The following PLTP variants were observed in gnomAD, a reference collection of about 807,000 sequenced individuals.
PLTP encodes the protein phospholipid transfer protein, also known as BPI fold containing family E.
Under a neutral mutation model 54.1 loss-of-function variants are expected in PLTP, and 43 were observed. The ratio of observed to expected loss-of-function variants is 0.79; its 90% CI spans 0.62 to 1.02. The LOEUF is 1.02. Among genes scored for constraint, PLTP ranks in the 50% least tolerant of loss-of-function variants. The probability of loss-of-function intolerance (pLI) is 0.00; values close to 1 mark genes in which losing one functional copy is unlikely to be tolerated. For missense variants in PLTP, 604 were observed against 645.9 expected (o/e 0.94, Z 0.70); for synonymous variants, 263 against 264.6 (o/e 0.99, Z 0.06).
At chr20:45,900,098 CTTTTTTTTTTTTTT>C (rs71181874) in intron 12 of PLTP, among the ~76,000 whole-genome samples, 1 of 55,698 alleles carries the variant, frequency 1.8e-5, no homozygotes, top group African/African-American at 7.1e-5. Flanking sequence ...TTGAGCACCT[CTTTTTTTTTTTTTT>C]TTTTTTTTTT....
intron 8 of PLTP, 44 bp downstream of exon 8, chr20:45,906,224 C>T: frequency 7.4e-7 from 1 of 1,346,864 alleles, no homozygotes; most frequent in South Asian, 1.2e-5. Flanking sequence ...AGAAAGAGGT[C>T]TTGTTAGGAA....
intron 3 of PLTP, among the ~76,000 whole-genome samples, chr20:45,910,306 C>G (rs1434478524): frequency 6.6e-6 from 1 of 152,082 alleles, no homozygotes; most frequent in Non-Finnish European, 1.5e-5. Context: ...TTCACCCCAT[C>G]GCTTAAAAGT....
In PLTP at chr20:45,911,149, T is replaced by G. The variant is rs200070216; in HGVS notation, c.200+3A>C. ...GGATCGCGAGGCCCCGCCCCCCACT[T>G]ACTCAGAGATGTTGTAGTAGAAGTG... On this transcript the variant is annotated splice_donor_region_variant and intron_variant, in intron 3 of 15. Transcript: ENST00000372431. The G allele has an allele frequency of 5.6e-5, 91 of 1,613,282 alleles. No homozygotes were observed. The African/African-American group carries it at 1.0e-3, about 18-fold the overall frequency.
intron 3 of PLTP, 140 bp downstream of exon 3, chr20:45,911,012 G>T (rs2083285026): frequency 6.3e-7 from 1 of 1,579,444 alleles, no homozygotes; most frequent in African/African-American, 1.4e-5. Flanking sequence ...GCCCCATCCG[G>T]TTTCTTAAGT....
intron 12 of PLTP, 104 bp from the exon 13 acceptor site, chr20:45,899,982 G>T: frequency 1.1e-6 from 1 of 926,374 alleles, no homozygotes; most frequent in Non-Finnish European, 1.7e-6. Context: ...AGGCTCAGAT[G>T]CCCACCTAGG....
intron 12 of PLTP, among the ~76,000 whole-genome samples, 166 bp downstream of exon 12, chr20:45,902,101 A>G (rs1173490901): frequency 6.6e-6 from 1 of 152,114 alleles, no homozygotes; most frequent in Non-Finnish European, 1.5e-5. Flanking sequence ...GACATGTGAG[A>G]ATGCAGAGGA....
Position 45,902,499 on chromosome 20 carries a change from C to A in PLTP, c.1048G>T (p.Val350Phe), listed in dbSNP as rs373242157. The A allele has an allele frequency of 6.2e-7, 1 of 1,614,196 alleles. No individual in the cohort carries two copies. The highest frequency in any genetic ancestry group is 2.2e-5 in the East Asian group (1 of 44,888). Residue 350 changes from valine to phenylalanine, a missense_variant, in exon 11 of 16, where the codon GTC (valine) becomes TTC (phenylalanine). Val to Phe is a conservative substitution (Grantham distance 50, BLOSUM62 -1). Transcript: ENST00000372431. ...SGTTISVTAS[V>F]TIALVPPDQP... ...TCTGGTGGGACCAGGGCAATGGTGA[C>A]GCTAGCAGTGACAGAGATGGTGGTG...
rs769642176 is a variant in PLTP at position 45,902,610 on chromosome 20, G to C, written c.943-6C>G. The stretch of plus-strand genomic sequence containing the variant: ...GAGTCAATCACTGCTGGGCTCTGGG[G>C]GATGAGCAGCAGGGGCGGGTCAAGT... On this transcript the variant is annotated splice_polypyrimidine_tract_variant and splice_region_variant and intron_variant, in intron 10 of 15. Coordinates refer to ENST00000372431, the MANE Select transcript of PLTP (RefSeq NM_006227.4). The C allele has an allele frequency of 4.4e-6, 7 of 1,598,954 alleles. No individual in the cohort carries two copies. The highest frequency in any genetic ancestry group is 1.7e-6 in the Non-Finnish European group (2 of 1,171,902).
chr20:45,902,152 A>AC (rs1421767348), intron 12 of PLTP, 115 bp downstream of exon 12: 2 of 1,129,056 alleles, frequency 1.8e-6, no homozygotes, highest in African/African-American at 3.1e-5. Flanking sequence ...ATTAACAAAG[A>AC]CAGACCCCAG....
intron 12 of PLTP, among the ~76,000 whole-genome samples, chr20:45,901,463 G>A (rs950162730): frequency 7.2e-5 from 11 of 152,044 alleles, no homozygotes; most frequent in African/African-American, 2.7e-4. Context: ...GCATGGTAGT[G>A]CATGCATGCA....
In PLTP at chr20:45,907,657, A is replaced by C. The variant is rs781107303; in HGVS notation, c.613+35T>G. ...GGCCTGCTCTGAGGTGCTGCATGAC[A>C]GCTGCACACCCAGACTCACCCGCCA... On this transcript the variant is annotated intron_variant, in intron 7 of 15. Transcript: ENST00000372431. 2.5e-6 allele frequency: 4 copies of C among 1,593,736 alleles called. No individual in the cohort carries two copies. In the South Asian group the frequency reaches 4.5e-5, roughly 18 times the overall value.
At chr20:45,905,959 G>A (rs1045332609) in intron 8 of PLTP, among the ~76,000 whole-genome samples, 6 of 152,180 alleles carry the variant, frequency 3.9e-5, no homozygotes, top group Admixed American at 6.5e-5. Flanking sequence ...CAGCTCCTTC[G>A]GGGGAGTTGG....
intron 10 of PLTP, among the ~76,000 whole-genome samples, chr20:45,903,424 T>A (rs1464547873): frequency 6.6e-6 from 1 of 152,202 alleles, no homozygotes; most frequent in East Asian, 1.9e-4. Context: ...GAGACGGGGT[T>A]TGGCCATGTT....
chr20:45,899,970 G>T (rs2083165677), intron 12 of PLTP, 92 bp from the exon 13 acceptor site: 5 of 1,132,484 alleles, frequency 4.4e-6, no homozygotes, highest in Non-Finnish European at 6.5e-6. Context: ...TGTCTGAGTT[G>T]CAGGCTCAGA....
intron 15 of PLTP, 115 bp downstream of exon 15, chr20:45,899,347 T>G (rs1381237476): frequency 8.5e-7 from 1 of 1,169,664 alleles, no homozygotes; most frequent in Non-Finnish European, 1.3e-6. Context: ...AGTCTAAGAT[T>G]AAAATGGGAG....
intron 5 of PLTP, 34 bp from the exon 6 acceptor site, chr20:45,907,938 A>AC (rs778877458): frequency 1.3e-6 from 2 of 1,532,902 alleles, no homozygotes; most frequent in Non-Finnish European, 1.8e-6. Context: ...TGAGCCCAGA[A>AC]CCTGCCTCCA....
In PLTP at chr20:45,904,944, T is replaced by C; in HGVS notation, c.880A>G (p.Lys294Glu). The C allele has an allele frequency of 3.7e-6, 6 of 1,614,194 alleles. No homozygotes were observed. The highest frequency in any genetic ancestry group is 5.1e-6 in the Non-Finnish European group (6 of 1,180,016). The change falls in exon 9 of 16, where the codon AAG becomes GAG. Residue 294 changes from lysine to glutamate, a missense_variant and splice_region_variant. By Grantham distance (56) the Lys-to-Glu change is moderately conservative. Coordinates refer to ENST00000372431, the MANE Select transcript of PLTP (RefSeq NM_006227.4). ...CCCACAAACAGGCCATGACATACCT[T>C]GTCCCCCACCAGCAACAGCTGCAGG... ...GALQLLLVGD[K>E]VPHDLDMLLR...
chr20:45,906,690 G>T (rs976548409), intron 7 of PLTP, among the ~76,000 whole-genome samples: 1 of 151,792 alleles, frequency 6.6e-6, no homozygotes, highest in Non-Finnish European at 1.5e-5. Context: ...AGGTGTTCGA[G>T]ACCAGCCTGG....
chr20:45,903,492 A>G (rs2083206596), intron 10 of PLTP, among the ~76,000 whole-genome samples: 1 of 152,064 alleles, frequency 6.6e-6, no homozygotes, highest in African/African-American at 2.4e-5. Flanking sequence ...AGCCTCCCAC[A>G]GTGTTGGGAT....
Sources: gnomAD v4.1 joint callset for allele counts (sites outside exome capture counted in the v4.1 genomes callset) on GRCh38, gnomAD v4.1.1 for gene constraint, MANE v1.5 for transcripts, NCBI Gene and HGNC (gene_info 2026-07-23, HGNC 2026-07-21) for gene names.